UGT2B4: variants seen among roughly 807,000 people sequenced by gnomAD.
UGT2B4 encodes the protein UDP-glucuronosyltransferase 2B4.
A neutral mutation model predicts 49.8 loss-of-function variants in UGT2B4; 49 were observed. The ratio of observed to expected loss-of-function variants is 0.98; its 90% CI spans 0.78 to 1.25. The LOEUF (loss-of-function observed/expected upper bound fraction) is 1.25, where lower values mean the gene tolerates loss of function less well. UGT2B4 is among the 50% of genes most tolerant of loss of function. The probability of loss-of-function intolerance (pLI) is 0.00; values close to 1 mark genes in which losing one functional copy is unlikely to be tolerated. For missense variants in UGT2B4, 729 were observed against 627.7 expected (o/e 1.16, Z -1.73); for synonymous variants, 246 against 217.7 (o/e 1.13, Z -1.14).
At chr4:69,503,364 T>G (rs1560439501) in intron 1 of UGT2B4, among the ~76,000 whole-genome samples, 1 of 152,124 alleles carries the variant, frequency 6.6e-6, no homozygotes, top group South Asian at 2.1e-4. Flanking sequence ...ATGCACCCAG[T>G]CTACATGTTC....
upstream of UGT2B4, chr4:69,495,944 G>C: frequency 1.3e-6 from 2 of 1,508,170 alleles, no homozygotes; most frequent in South Asian, 1.4e-5. Context: ...AATCAGTCAA[G>C]AAGTTAAAAT....
At chr4:69,506,825 C>T (rs773144112) in intron 1 of UGT2B4, among the ~76,000 whole-genome samples, 6 of 152,178 alleles carry the variant, frequency 3.9e-5, no homozygotes, top group Non-Finnish European at 5.9e-5. Flanking sequence ...ATATCCTCAA[C>T]AACACACTGG....
chr4:69,522,385 G>C (rs1023261701), intron 1 of UGT2B4, among the ~76,000 whole-genome samples: 3 of 152,154 alleles, frequency 2.0e-5, no homozygotes, highest in Admixed American at 6.5e-5. Flanking sequence ...AAACTTCAGA[G>C]ATATTAGGGT....
At chr4:69,522,887 C>T (rs1728879909) in intron 1 of UGT2B4, among the ~76,000 whole-genome samples, 1 of 152,176 alleles carries the variant, frequency 6.6e-6, no homozygotes, top group East Asian at 1.9e-4. Flanking sequence ...ATTCCAAATA[C>T]TTTGTTGTCA....
chr4:69,522,845 T>C (rs1436003569), intron 1 of UGT2B4, among the ~76,000 whole-genome samples: 1 of 152,228 alleles, frequency 6.6e-6, no homozygotes, highest in Non-Finnish European at 1.5e-5. Context: ...TCTCAAACTC[T>C]GCTGCTGATT....
Position 69,517,694 on chromosome 4 carries a change from A to C in UGT2B4, c.-106+7993T>G, listed in dbSNP as rs114246219. Reference sequence around the variant, plus strand: ...AATTCTTTCCTGAAAAACTGTCCCAAAAACTGTTCCAAAATCCAAAAGTTA... The same window carrying C: ...AATTCTTTCCTGAAAAACTGTCCCACAAACTGTTCCAAAATCCAAAAGTTA... On this transcript the variant is annotated intron_variant, in intron 1 of 1. Coordinates refer to the UGT2B4 transcript ENST00000510114. The C allele has an allele frequency of 4.2e-3, 654 of 156,660 alleles. 6 individuals are homozygous for C. The highest frequency in any genetic ancestry group is 0.013 in the African/African-American group (561 of 41,584). The allele number at this position is 156,660 out of a possible 1,614,324, so 9.7% of individuals were successfully genotyped here. A position where few individuals can be genotyped will look rare whatever the true frequency, so the allele number is the denominator to read the frequency against.
chr4:69,505,188 A>C (rs1728436808), intron 1 of UGT2B4, among the ~76,000 whole-genome samples: 1 of 152,062 alleles, frequency 6.6e-6, no homozygotes, highest in Non-Finnish European at 1.5e-5. Flanking sequence ...TAACCAGCTA[A>C]CATCATGATG....
At chr4:69,490,016 T>C (rs898163071) in intron 2 of UGT2B4, among the ~76,000 whole-genome samples, 1 of 152,178 alleles carries the variant, frequency 6.6e-6, no homozygotes, top group African/African-American at 2.4e-5. Flanking sequence ...TTGACTTCCC[T>C]GACTCTGAGC....
upstream of UGT2B4, among the ~76,000 whole-genome samples, chr4:69,499,354 G>A (rs994068575): frequency 6.6e-6 from 1 of 152,140 alleles, no homozygotes; most frequent in African/African-American, 2.4e-5. Flanking sequence ...TCTGGGTGAG[G>A]AATTATGTAG....
chr4:69,502,085 T>TTC (rs760287850), intron 1 of UGT2B4, among the ~76,000 whole-genome samples: 2 of 82,738 alleles, frequency 2.4e-5, no homozygotes, highest in African/African-American at 9.3e-5. Flanking sequence ...CTTTCTTTCT[T>TTC]TCTCTCTCTT....
At chr4:69,490,349 GTTAAATTGATGTGCTAT>G (rs1248610900) in intron 2 of UGT2B4, among the ~76,000 whole-genome samples, 1 of 152,140 alleles carries the variant, frequency 6.6e-6, no homozygotes, top group Non-Finnish European at 1.5e-5. Flanking sequence ...AAATCACACT[GTTAAATTGATGTGCTAT>G]TTATAACTGC....
intron 4 of UGT2B4, among the ~76,000 whole-genome samples, chr4:69,486,384 T>C (rs565916631): frequency 6.6e-6 from 1 of 152,224 alleles, no homozygotes; most frequent in African/African-American, 2.4e-5. Flanking sequence ...TAATAACACC[T>C]GAAATAAAGA....
At chr4:69,503,403 C>A (rs1033957843) in intron 1 of UGT2B4, among the ~76,000 whole-genome samples, 27 of 152,192 alleles carry the variant, frequency 1.8e-4, no homozygotes, top group African/African-American at 5.8e-4. Context: ...TCTCCTGAGT[C>A]CACAGCAACT....
In UGT2B4 at chr4:69,489,426, C is replaced by CATTTTATCTTACCTT. The variant is rs1314804508; in HGVS notation, c.1000_1002+12dup. On this transcript the variant is annotated intron_variant, in intron 3 of 5. Coordinates refer to ENST00000305107, the MANE Select transcript of UGT2B4 (RefSeq NM_021139.3). ...TCAGTAGTTTTTTACACCATTAAAA[C>CATTTTATCTTACCTT]ATTTTATCTTACCTTTTGTGGGATC... The CATTTTATCTTACCTT allele has an allele frequency of 1.9e-6, 3 of 1,607,706 alleles. No homozygotes were observed. The highest frequency in any genetic ancestry group is 2.6e-6 in the Non-Finnish European group (3 of 1,176,220).
chr4:69,488,571 T>C (rs959051586), intron 3 of UGT2B4, among the ~76,000 whole-genome samples: 1 of 152,020 alleles, frequency 6.6e-6, no homozygotes, highest in Non-Finnish European at 1.5e-5. Flanking sequence ...AAAGAAAATA[T>C]GTTCCTACTA....
intron 1 of UGT2B4, among the ~76,000 whole-genome samples, chr4:69,505,682 T>C (rs535406793): frequency 5.9e-5 from 9 of 152,078 alleles, no homozygotes; most frequent in Non-Finnish European, 1.3e-4. Flanking sequence ...AGCAAATATT[T>C]AGGATATGAA....
At chr4:69,524,992 G>A (rs1296550273) in intron 1 of UGT2B4, among the ~76,000 whole-genome samples, 2 of 152,178 alleles carry the variant, frequency 1.3e-5, no homozygotes, top group East Asian at 3.8e-4. Context: ...ATTCCAGTAA[G>A]TATGAATTTT....
intron 1 of UGT2B4, chr4:69,525,641 C>T (rs1202842699): frequency 8.3e-7 from 1 of 1,205,802 alleles, no homozygotes; most frequent in Non-Finnish European, 1.1e-6. Context: ...TATGCACCTG[C>T]CATTTTTTCA....
rs184647368 is a variant in UGT2B4, at chr4:69,480,863, G to A, written c.1358C>T (p.Pro453Leu). 152 of 1,613,778 alleles carry A rather than the reference G, an allele frequency of 9.4e-5. 1 individual carries two copies. The African/African-American group carries it at 1.8e-3, about 20-fold the overall frequency. Residue 453 changes from proline (P) to leucine (L), a missense_variant, in exon 6 of 6, where the codon CCA becomes CTA. Coordinates refer to ENST00000305107, the MANE Select transcript of UGT2B4 (RefSeq NM_021139.3). ...GACTGCTCGATCAAGGGGCTTCACT[G>A]GTTGATCATGATGAATTCTTGATAA... Reference protein sequence around the residue: ...MKLSRIHHDQPVKPLDRAVFW... With the variant: ...MKLSRIHHDQLVKPLDRAVFW...
Sources: gnomAD v4.1 joint callset for allele counts (sites outside exome capture counted in the v4.1 genomes callset) on GRCh38, gnomAD v4.1.1 for gene constraint, MANE v1.5 for transcripts, NCBI Gene and HGNC (gene_info 2026-07-23, HGNC 2026-07-21) for gene names.